NUP62CL: variants seen among roughly 807,000 people sequenced by gnomAD.
NUP62CL encodes the protein nucleoporin 62 C-terminal like.
In NUP62CL, 13 loss-of-function variants were observed where a neutral mutation model predicts 15.3. That is an observed-to-expected ratio of 0.85 (90% CI 0.55 to 1.35). The LOEUF is 1.35. Among genes scored for constraint, NUP62CL ranks in the 40% most tolerant of loss-of-function variants. The probability of loss-of-function intolerance (pLI) is 0.00; values close to 1 mark genes in which losing one functional copy is unlikely to be tolerated. For missense variants in NUP62CL, 123 were observed against 130.6 expected (o/e 0.94, Z 0.28); for synonymous variants, 54 against 49.2 (o/e 1.10, Z -0.41).
chrX:107,179,846 A>C (rs1926872857), intron 2 of NUP62CL, among the ~76,000 whole-genome samples: 1 of 112,136 alleles, frequency 8.9e-6, no homozygotes, highest in Non-Finnish European at 1.9e-5. Flanking sequence ...CAACACTATT[A>C]CTGATTTTTA....
At chrX:107,155,530 C>T (rs1361271388) in intron 4 of NUP62CL, among the ~76,000 whole-genome samples, 1 of 111,748 alleles carries the variant, frequency 8.9e-6, no homozygotes, top group Non-Finnish European at 1.9e-5. Flanking sequence ...TGGGGCTAAG[C>T]GGGAAGCAGT....
intron 1 of NUP62CL, among the ~76,000 whole-genome samples, chrX:107,205,194 G>A (rs759409631): frequency 9.0e-5 from 10 of 111,380 alleles, no homozygotes; most frequent in Admixed American, 9.6e-5. Context: ...CAAAAGGTCT[G>A]AAAAACACCG....
At chrX:107,139,299 G>A (rs932863893) in intron 8 of NUP62CL, among the ~76,000 whole-genome samples, 2 of 111,081 alleles carry the variant, frequency 1.8e-5, no homozygotes, top group Non-Finnish European at 3.8e-5. Context: ...TGATAAAACT[G>A]TACAGAACTA....
At chrX:107,133,666 C>T (rs769023116) in intron 8 of NUP62CL, among the ~76,000 whole-genome samples, 21 of 112,768 alleles carry the variant, frequency 1.9e-4, no homozygotes, top group East Asian at 5.6e-4. Context: ...TCTGGCCGGG[C>T]GCAGTGGCTC....
chrX:107,166,407 A>C (rs1287385145), intron 4 of NUP62CL, among the ~76,000 whole-genome samples: 2 of 112,171 alleles, frequency 1.8e-5, no homozygotes, highest in African/African-American at 6.5e-5. Context: ...AGTAGTGACA[A>C]CACCAAATCC....
chrX:107,133,129 G>A (rs972492585), intron 8 of NUP62CL, among the ~76,000 whole-genome samples: 1 of 111,096 alleles, frequency 9.0e-6, no homozygotes, highest in Non-Finnish European at 1.9e-5. Context: ...GCTTCTGAAG[G>A]CTGCCTTCAT....
chrX:107,162,337 C>T (rs1199312279), intron 4 of NUP62CL, among the ~76,000 whole-genome samples: 1 of 111,084 alleles, frequency 9.0e-6, no homozygotes, highest in African/African-American at 3.3e-5. Context: ...AGATTGAAAA[C>T]TCTCAAAGTT....
chrX:107,127,739 GTA>G (rs1191594278), intron 8 of NUP62CL, among the ~76,000 whole-genome samples: 2 of 110,532 alleles, frequency 1.8e-5, no homozygotes, highest in Non-Finnish European at 3.8e-5. Flanking sequence ...ATGCTATATA[GTA>G]TATCTCTCAT....
At position 107,153,228 on chromosome X, in the gene NUP62CL, C is replaced by T. The variant is rs755754269; in HGVS notation, c.474G>A (p.Thr158=). The part of the protein sequence containing the change: ...EFLLTYLEES[T]RDQSGLHYLQ... ...GATAATGAAGTCCACTCTGGTCACG[C>T]GTAGACTCCTCTAAATAAGTCAACA... The change falls in exon 7 of 9, where the codon ACG becomes ACA. Residue 158 remains threonine (T), a synonymous_variant. Transcript: ENST00000372466. 1.7e-6 allele frequency: 2 copies of T among 1,204,633 alleles called. No individual in the cohort carries two copies. Among genetic ancestry groups the T allele is most frequent in the African/African-American group, 1.8e-5 (1 of 56,862 alleles).
At chrX:107,185,595 T>C (rs565785456) in intron 2 of NUP62CL, among the ~76,000 whole-genome samples, 1 of 111,170 alleles carries the variant, frequency 9.0e-6, no homozygotes, top group South Asian at 3.8e-4. Context: ...TACAAAAAGA[T>C]ACTCTCAAAA....
At chrX:107,154,338 G>T in intron 4 of NUP62CL, 92 bp from the exon 5 acceptor site, 1 of 669,763 alleles carries the variant, frequency 1.5e-6, no homozygotes, top group Non-Finnish European at 2.1e-6. Flanking sequence ...ACTCTGAGAA[G>T]AAAACAGCAT....
At chrX:107,177,767 C>A (rs1926819480) in intron 2 of NUP62CL, among the ~76,000 whole-genome samples, 1 of 111,315 alleles carries the variant, frequency 9.0e-6, no homozygotes, top group Non-Finnish European at 1.9e-5. Context: ...AAATTCTGTA[C>A]CTCTTTGGAA....
chrX:107,177,138 A>C (rs1031530788), intron 2 of NUP62CL, among the ~76,000 whole-genome samples: 1 of 112,194 alleles, frequency 8.9e-6, no homozygotes, highest in Non-Finnish European at 1.9e-5. Flanking sequence ...AGATTAATAT[A>C]TAAAAATAAT....
At chrX:107,181,438 T>G (rs183764832) in intron 2 of NUP62CL, among the ~76,000 whole-genome samples, 2 of 111,700 alleles carry the variant, frequency 1.8e-5, no homozygotes, top group East Asian at 5.6e-4. Context: ...TCTATCCCTG[T>G]TCCATAGCAC....
intron 3 of NUP62CL, among the ~76,000 whole-genome samples, chrX:107,171,360 G>C (rs1926645891): frequency 8.9e-6 from 1 of 111,762 alleles, no homozygotes; most frequent in Admixed American, 9.5e-5. Flanking sequence ...GGGTGAAATG[G>C]TGTGTATTAG....
At chrX:107,163,555 CAG>C (rs1332061350) in intron 4 of NUP62CL, among the ~76,000 whole-genome samples, 2 of 111,665 alleles carry the variant, frequency 1.8e-5, no homozygotes, top group Non-Finnish European at 3.8e-5. Flanking sequence ...AATTAAAATA[CAG>C]AGAGTGGAAG....
chrX:107,189,190 C>T (rs1927146947), intron 2 of NUP62CL, among the ~76,000 whole-genome samples: 1 of 111,313 alleles, frequency 9.0e-6, no homozygotes, highest in African/African-American at 3.3e-5. Flanking sequence ...GAAACTAGAT[C>T]TTGTATACAT....
chrX:107,144,143 ACT>A (rs1569355683), intron 8 of NUP62CL, among the ~76,000 whole-genome samples: 1 of 111,114 alleles, frequency 9.0e-6, no homozygotes, highest in Non-Finnish European at 1.9e-5. Context: ...TCATTGTTTT[ACT>A]CTTTTTATCC....
At chrX:107,195,090 C>G (rs1179151563) in intron 1 of NUP62CL, among the ~76,000 whole-genome samples, 1 of 110,793 alleles carries the variant, frequency 9.0e-6, no homozygotes, top group Non-Finnish European at 1.9e-5. Flanking sequence ...GTTGGGATTA[C>G]AGACATAAGC....
Sources: gnomAD v4.1 joint callset for allele counts (sites outside exome capture counted in the v4.1 genomes callset) on GRCh38, gnomAD v4.1.1 for gene constraint, MANE v1.5 for transcripts, NCBI Gene and HGNC (gene_info 2026-07-23, HGNC 2026-07-21) for gene names.